Variants in CNTN5 observed in about 807,000 individuals in gnomAD.
CNTN5 encodes contactin-5.
A neutral mutation model predicts 129.1 loss-of-function variants in CNTN5; 77 were observed. The ratio of observed to expected loss-of-function variants is 0.60; its 90% CI spans 0.50 to 0.72. The LOEUF (loss-of-function observed/expected upper bound fraction) is 0.72. Among genes scored for constraint, CNTN5 ranks in the 30% least tolerant of loss-of-function variants. CNTN5 has a pLI of 0.00. For synonymous variants in CNTN5, 509 were observed against 465.6 expected (o/e 1.09, Z -1.20); for missense variants, 1,478 against 1,328.8 (o/e 1.11, Z -1.75).
intron 2 of CNTN5, among the ~76,000 whole-genome samples, chr11:99,438,989 A>T (rs1565582763): frequency 2.6e-5 from 4 of 152,202 alleles, no homozygotes; most frequent in African/African-American, 9.7e-5. Flanking sequence ...AAGTTAAATA[A>T]TTTCTGATTT....
intron 9 of CNTN5, among the ~76,000 whole-genome samples, chr11:100,036,693 A>C (rs1297474991): frequency 6.7e-6 from 1 of 150,254 alleles, no homozygotes; most frequent in Non-Finnish European, 1.5e-5. Flanking sequence ...CATCCCTTGT[A>C]AGTTGGATTC....
intron 3 of CNTN5, among the ~76,000 whole-genome samples, chr11:99,699,024 T>C (rs962289103): frequency 6.6e-6 from 1 of 151,220 alleles, no homozygotes; most frequent in African/African-American, 2.4e-5. Context: ...GAGAAGTTCA[T>C]AGGGACATAA....
At chr11:99,150,928 A>T (rs1860021113) in intron 1 of CNTN5, among the ~76,000 whole-genome samples, 1 of 152,154 alleles carries the variant, frequency 6.6e-6, no homozygotes, top group African/African-American at 2.4e-5. Flanking sequence ...TAAGTAAGAA[A>T]TTAATGTTTT....
chr11:100,062,403 G>A (rs998101098), intron 10 of CNTN5, among the ~76,000 whole-genome samples: 2 of 152,112 alleles, frequency 1.3e-5, no homozygotes, highest in African/African-American at 4.8e-5. Context: ...AACTCCTTTA[G>A]GAATTTAGCA....
chr11:99,332,789 C>G (rs1045966197), intron 2 of CNTN5, among the ~76,000 whole-genome samples: 12 of 151,974 alleles, frequency 7.9e-5, no homozygotes, highest in African/African-American at 2.9e-4. Context: ...ACTAATTAGT[C>G]TATTAGTATC....
At chr11:99,347,444 A>G (rs1325829713) in intron 2 of CNTN5, among the ~76,000 whole-genome samples, 3 of 152,158 alleles carry the variant, frequency 2.0e-5, no homozygotes, top group Non-Finnish European at 2.9e-5. Flanking sequence ...TAACACATAA[A>G]CTATATAGAG....
At chr11:100,153,595 T>TATTA (rs774860108) in intron 13 of CNTN5, among the ~76,000 whole-genome samples, 1 of 152,124 alleles carries the variant, frequency 6.6e-6, no homozygotes, top group Non-Finnish European at 1.5e-5. Context: ...ATTTACTGAT[T>TATTA]ATTAATCAAA....
chr11:100,253,423 A>C (rs1950009551), intron 16 of CNTN5, among the ~76,000 whole-genome samples: 1 of 152,168 alleles, frequency 6.6e-6, no homozygotes. Context: ...TTATTAACTA[A>C]GTAATCTCTT....
rs187720959 is a variant in CNTN5 at position 99,979,111 on chromosome 11, C to A, written c.877+22102C>A. ...ATAAGTGTAAAGAATCTGGCATGCA[C>A]AGATTTTTGTTTCATTTCGTTTTCT... On this transcript the variant is annotated intron_variant, in intron 8 of 24. Coordinates refer to ENST00000524871, the MANE Select transcript of CNTN5 (RefSeq NM_014361.4). Among the ~76,000 whole-genome samples the A allele has an allele frequency of 6.7e-4, 102 of 152,186 alleles. 1 individual carries two copies. The highest frequency in any genetic ancestry group is 4.8e-3 in the South Asian group (23 of 4,820).
intron 1 of CNTN5, among the ~76,000 whole-genome samples, chr11:99,209,544 C>G (rs952827499): frequency 6.6e-6 from 1 of 152,090 alleles, no homozygotes; most frequent in East Asian, 1.9e-4. Context: ...ATGAGGGATC[C>G]GCCGCCATGA....
intron 2 of CNTN5, among the ~76,000 whole-genome samples, chr11:99,388,310 G>A (rs986906992): frequency 6.6e-6 from 1 of 151,278 alleles, no homozygotes; most frequent in Admixed American, 6.6e-5. Flanking sequence ...AGCTACTTGG[G>A]AGGCTGAGGC....
intron 2 of CNTN5, among the ~76,000 whole-genome samples, chr11:99,425,830 T>C (rs1943096296): frequency 6.6e-6 from 1 of 152,168 alleles, no homozygotes; most frequent in Admixed American, 6.5e-5. Flanking sequence ...CTCTGCCAGA[T>C]CCATGGGGCA....
At chr11:99,694,177 A>G (rs1366709983) in intron 3 of CNTN5, among the ~76,000 whole-genome samples, 2 of 152,182 alleles carry the variant, frequency 1.3e-5, no homozygotes, top group Admixed American at 6.5e-5. Flanking sequence ...TCTGAAGCCA[A>G]TACGGCTCAT....
chr11:100,196,852 GTGAGTATAT>G (rs1279295506), intron 15 of CNTN5, among the ~76,000 whole-genome samples: 1 of 151,934 alleles, frequency 6.6e-6, no homozygotes, highest in Non-Finnish European at 1.5e-5. Context: ...TGATAAGCTA[GTGAGTATAT>G]TCTTAAGATT....
intron 3 of CNTN5, among the ~76,000 whole-genome samples, chr11:99,770,547 C>G (rs1944908847): frequency 1.3e-5 from 2 of 151,984 alleles, no homozygotes; most frequent in South Asian, 4.1e-4. Flanking sequence ...GCTTAACACT[C>G]AATTATGTCA....
At chr11:100,008,051 T>C (rs1940302473) in intron 9 of CNTN5, among the ~76,000 whole-genome samples, 1 of 152,058 alleles carries the variant, frequency 6.6e-6, no homozygotes, top group African/African-American at 2.4e-5. Context: ...GATGGAACAG[T>C]CAGAACACAT....
rs548802783 is a variant in CNTN5 at position 99,366,682 on chromosome 11, C to T, written c.-71+41198C>T. Among the ~76,000 whole-genome samples the T allele has an allele frequency of 8.5e-5, 13 of 152,208 alleles. No homozygotes were observed. In the South Asian group the frequency reaches 2.5e-3, roughly 29 times the overall value. ...ATCTTGGTAAATGCTTCTGTGACGT[C>T]GCCACAGGGAGTTGGCATCTCTCTA... On this transcript the variant is annotated intron_variant, in intron 2 of 24. Coordinates refer to ENST00000524871, the MANE Select transcript of CNTN5 (RefSeq NM_014361.4).
At chr11:99,594,037 C>A (rs1950055014) in intron 3 of CNTN5, among the ~76,000 whole-genome samples, 1 of 152,126 alleles carries the variant, frequency 6.6e-6, no homozygotes, top group South Asian at 2.1e-4. Context: ...CTGGGATGTT[C>A]TATGGACATA....
At chr11:99,419,887 C>A (rs182339237) in intron 2 of CNTN5, among the ~76,000 whole-genome samples, 8 of 151,990 alleles carry the variant, frequency 5.3e-5, no homozygotes, top group Admixed American at 1.3e-4. Flanking sequence ...TTCATTAATT[C>A]AAAAAATGTT....
Sources: allele counts gnomAD v4.1 joint callset (sites outside exome capture counted in the v4.1 genomes callset), GRCh38; gene constraint gnomAD v4.1.1; transcripts MANE v1.5; gene names NCBI Gene and HGNC (gene_info 2026-07-23, HGNC 2026-07-21).